The following SLC39A12 variants were observed in gnomAD, a reference collection of about 807,000 sequenced individuals.
SLC39A12 encodes solute carrier family 39 member 12.
A neutral mutation model predicts 71.1 loss-of-function variants in SLC39A12; 63 were observed. That is an observed-to-expected ratio of 0.89 (90% CI 0.72 to 1.09). The LOEUF (loss-of-function observed/expected upper bound fraction) is 1.09. SLC39A12 is among the 50% of genes least tolerant of loss of function. SLC39A12 has a pLI of 0.00. For synonymous variants in SLC39A12, 351 were observed against 301.3 expected (o/e 1.16, Z -1.71); for missense variants, 892 against 812.6 (o/e 1.10, Z -1.19).
At chr10:18,036,936 G>A (rs946803709) in intron 12 of SLC39A12, among the ~76,000 whole-genome samples, 14 of 151,108 alleles carry the variant, frequency 9.3e-5, no homozygotes, top group South Asian at 6.3e-4. Context: ...ACAGGCACCC[G>A]CCACCATGCC....
intron 2 of SLC39A12, among the ~76,000 whole-genome samples, chr10:17,956,008 C>T (rs117617871): frequency 0.014 from 2,171 of 152,298 alleles, 21 homozygotes; most frequent in Non-Finnish European, 0.022. Flanking sequence ...GCCTCAGCTT[C>T]CTCACCCTGA....
intron 12 of SLC39A12, among the ~76,000 whole-genome samples, chr10:18,032,171 T>C: frequency 7.9e-6 from 1 of 127,080 alleles, no homozygotes; most frequent in Non-Finnish European, 1.6e-5. Flanking sequence ...AGTAGTTTTT[T>C]CCAATTCTGT....
rs782413228 is a variant in SLC39A12, at chr10:17,961,767, C to G, written c.448C>G (p.Leu150Val). 9 of 1,613,956 alleles carry G rather than the reference C, an allele frequency of 5.6e-6. No individual in the cohort carries two copies. Among genetic ancestry groups the G allele is most frequent in the Non-Finnish European group, 5.9e-6 (7 of 1,179,972 alleles). ...ATTTTACCTACACAGCCTACTGAGC[C>G]TCAGGCAGGATGAAGATTCCTCTTT... ...YKFYLHSLLS[L>V]RQDEDSSFLS... Residue 150 changes from leucine (L) to valine (V), a missense_variant, in exon 3 of 13, where the codon CTC becomes GTC. By Grantham distance (32) the Leu-to-Val change is conservative. Coordinates refer to ENST00000377369, the MANE Select transcript of SLC39A12 (RefSeq NM_001145195.2).
intron 12 of SLC39A12, among the ~76,000 whole-genome samples, chr10:18,036,323 G>A (rs566166393): frequency 4.6e-5 from 7 of 152,250 alleles, no homozygotes; most frequent in East Asian, 3.9e-4. Flanking sequence ...AGGACCCTCC[G>A]AGCCAGGTGT....
intron 4 of SLC39A12, among the ~76,000 whole-genome samples, chr10:17,967,476 T>A (rs920486488): frequency 1.3e-5 from 2 of 152,360 alleles, no homozygotes; most frequent in East Asian, 1.9e-4. Context: ...CACTACTTCA[T>A]CTTATTGAGG....
Position 18,039,191 on chromosome 10 carries a change from T to C in SLC39A12, c.1948-3514T>C, listed in dbSNP as rs1837149923. ...TAATTCAGCCATGTTTTACAAAAGATAATTAATAATCTTGTTTGAAAAATG... is the reference window on the plus strand; with the variant it reads ...TAATTCAGCCATGTTTTACAAAAGACAATTAATAATCTTGTTTGAAAAATG... On this transcript the variant is annotated intron_variant, in intron 12 of 12. Transcript: ENST00000377369. Among the ~76,000 whole-genome samples, 3 of 152,178 alleles carry C rather than the reference T, an allele frequency of 2.0e-5. No individual in the cohort carries two copies. In the South Asian group the frequency reaches 6.2e-4, roughly 32 times the overall value.
intron 12 of SLC39A12, among the ~76,000 whole-genome samples, chr10:18,013,044 A>G (rs1269935019): frequency 1.3e-5 from 2 of 152,010 alleles, no homozygotes; most frequent in Non-Finnish European, 2.9e-5. Context: ...ACCAGGCAGC[A>G]AGTGACATCT....
intron 12 of SLC39A12, among the ~76,000 whole-genome samples, chr10:18,036,419 C>T (rs1284188067): frequency 2.6e-5 from 4 of 152,024 alleles, no homozygotes; most frequent in East Asian, 1.9e-4. Flanking sequence ...TTTCCAGGTG[C>T]GTCCGTCACC....
At chr10:18,000,476 A>G (rs578125231) in intron 10 of SLC39A12, among the ~76,000 whole-genome samples, 191 bp from the exon 11 acceptor site, 1 of 152,348 alleles carries the variant, frequency 6.6e-6, no homozygotes, top group East Asian at 1.9e-4. Context: ...AACAGTGACC[A>G]TACGTTTAAG....
intron 6 of SLC39A12, among the ~76,000 whole-genome samples, chr10:17,982,367 C>T (rs1297879085): frequency 6.6e-6 from 1 of 152,088 alleles, no homozygotes; most frequent in African/African-American, 2.4e-5. Flanking sequence ...TGAGAACATC[C>T]ATGTTATCTA....
At chr10:17,990,390 T>C (rs1835513086) in intron 7 of SLC39A12, among the ~76,000 whole-genome samples, 2 of 152,176 alleles carry the variant, frequency 1.3e-5, no homozygotes, top group Admixed American at 1.3e-4. Flanking sequence ...TCTATACACA[T>C]ATAATTTCTT....
chr10:18,043,018 G>T lies in SLC39A12; in HGVS notation c.*185G>T. 2.8e-6 allele frequency: 1 copy of T among 360,018 alleles called. No homozygotes were observed. Among genetic ancestry groups the T allele is most frequent in the Non-Finnish European group, 4.6e-6 (1 of 218,316 alleles). 22.3% of individuals were successfully genotyped at this position (360,018 alleles called of 1,614,324 possible). A position where few individuals can be genotyped will look rare whatever the true frequency, so the allele number is the denominator to read the frequency against. ...TTTGGAAACATATAAATATCAGACT[G>T]TCCTTAATTGAAATTTTGTCTTTGG... On this transcript the variant is annotated 3_prime_UTR_variant, in exon 13 of 13. Coordinates refer to ENST00000377369, the MANE Select transcript of SLC39A12 (RefSeq NM_001145195.2).
intron 12 of SLC39A12, among the ~76,000 whole-genome samples, chr10:18,009,111 A>G (rs1836124460): frequency 1.3e-5 from 2 of 152,320 alleles, no homozygotes; most frequent in African/African-American, 4.8e-5. Context: ...TTTATTTTGG[A>G]TCTGAAGCAA....
At chr10:17,953,794 G>A (rs1459793706) in intron 2 of SLC39A12, among the ~76,000 whole-genome samples, 1 of 152,126 alleles carries the variant, frequency 6.6e-6, no homozygotes, top group Non-Finnish European at 1.5e-5. Flanking sequence ...ATATTTAGAG[G>A]CATTTATTTG....
intron 12 of SLC39A12, among the ~76,000 whole-genome samples, chr10:18,007,962 A>G (rs1365377431): frequency 6.6e-6 from 1 of 152,192 alleles, no homozygotes; most frequent in Non-Finnish European, 1.5e-5. Flanking sequence ...GCTCCTATTC[A>G]AGATGGATTA....
chr10:17,981,725 T>C (rs973969790), intron 6 of SLC39A12, among the ~76,000 whole-genome samples: 2 of 152,028 alleles, frequency 1.3e-5, no homozygotes, highest in African/African-American at 4.8e-5. Context: ...AGTGATGGAG[T>C]TGCCATTCAA....
intron 4 of SLC39A12, among the ~76,000 whole-genome samples, chr10:17,976,756 G>T (rs2130802293): frequency 6.6e-6 from 1 of 152,280 alleles, no homozygotes; most frequent in East Asian, 1.9e-4. Flanking sequence ...TCAGCAGTTT[G>T]ACTGTAATGT....
rs760505280 is a variant in SLC39A12, at chr10:17,991,242, G to T, written c.1361G>T (p.Gly454Val). ...HIWKLMGLIG[G>V]IHGFFLIEKC... ...TGGAAACTGATGGGATTAATTGGAG[G>T]CATCCATGGATTTTTCTTGATAGAA... The change falls in exon 8 of 13, where the codon GGC becomes GTC. Residue 454 changes from glycine to valine, a missense_variant. Physicochemically the swap from Gly to Val is moderately radical, Grantham distance 109. Coordinates refer to ENST00000377369, the MANE Select transcript of SLC39A12 (RefSeq NM_001145195.2). 1 of 1,594,148 alleles carries T rather than the reference G, an allele frequency of 6.3e-7. No individual in the cohort carries two copies. Among genetic ancestry groups the T allele is most frequent in the Admixed American group, 1.8e-5 (1 of 57,028 alleles).
At chr10:17,990,640 C>G (rs1166358679) in intron 7 of SLC39A12, among the ~76,000 whole-genome samples, 1 of 152,084 alleles carries the variant, frequency 6.6e-6, no homozygotes, top group East Asian at 1.9e-4. Flanking sequence ...GTCAGTCATA[C>G]AGTATGCTCC....
Sources: allele counts gnomAD v4.1 joint callset (sites outside exome capture counted in the v4.1 genomes callset), GRCh38; gene constraint gnomAD v4.1.1; transcripts MANE v1.5; gene names NCBI Gene and HGNC (gene_info 2026-07-23, HGNC 2026-07-21).